The following FOXJ3 variants were observed in gnomAD, a reference collection of about 807,000 sequenced individuals.
FOXJ3 encodes forkhead box protein J3.
FOXJ3 carries 22 observed loss-of-function variants against 76.1 expected under a neutral mutation model. The ratio of observed to expected loss-of-function variants is 0.29; its 90% CI spans 0.21 to 0.41. The LOEUF (loss-of-function observed/expected upper bound fraction) is 0.41. Among genes scored for constraint, FOXJ3 ranks in the 10% least tolerant of loss-of-function variants. The pLI, the probability that FOXJ3 is intolerant of heterozygous loss-of-function variation, is 1.00. For synonymous variants in FOXJ3, 269 were observed against 261.2 expected (o/e 1.03, Z -0.29); for missense variants, 613 against 762.1 (o/e 0.80, Z 2.30).
rs971093111 is a variant in FOXJ3, at chr1:42,291,310, A to G, written c.45-12638T>C. On this transcript the variant is annotated intron_variant, in intron 2 of 12. Transcript: ENST00000361346. ...ATCTATAAAACCTGCAGGAGAAATC[A>G]TAAGAGAAAATCTGGTTAGGCAAAT... is the stretch of plus-strand genomic sequence containing the variant. 3.3e-5 allele frequency among the ~76,000 whole-genome samples: 5 copies of G among 152,354 alleles called. No individual in the cohort carries two copies. In the South Asian group the frequency reaches 1.0e-3, roughly 32 times the overall value.
upstream of FOXJ3, chr1:42,335,242 C>T (rs115746499): frequency 0.039 from 5,923 of 152,216 alleles, 147 homozygotes; most frequent in South Asian, 0.092. Flanking sequence ...TACTTCCCGA[C>T]CCGCATCCCC....
intron 2 of FOXJ3, among the ~76,000 whole-genome samples, chr1:42,295,909 A>AT (rs779192609): frequency 1.3e-5 from 2 of 152,146 alleles, no homozygotes; most frequent in Non-Finnish European, 2.9e-5. Flanking sequence ...AGGTAGTTCT[A>AT]TTTTTAGTTC....
intron 4 of FOXJ3, among the ~76,000 whole-genome samples, chr1:42,250,169 G>C (rs900832792): frequency 2.6e-5 from 4 of 152,196 alleles, no homozygotes; most frequent in Admixed American, 1.3e-4. Context: ...CTAGTGGAAA[G>C]TGACATAGTA....
intron 4 of FOXJ3, among the ~76,000 whole-genome samples, chr1:42,251,706 A>G (rs1190560427): frequency 2.3e-5 from 2 of 87,566 alleles, no homozygotes; most frequent in Non-Finnish European, 2.1e-5. Context: ...GTTTGCCAGT[A>G]TTTTTTTTTT....
chr1:42,237,455 T>TACA (rs1648771161), intron 4 of FOXJ3, among the ~76,000 whole-genome samples: 2 of 146,162 alleles, frequency 1.4e-5, no homozygotes, highest in Admixed American at 6.8e-5. Context: ...TATATACACA[T>TACA]ACATACATAT....
chr1:42,222,195 G>A (rs1647238224), intron 5 of FOXJ3, among the ~76,000 whole-genome samples: 2 of 151,496 alleles, frequency 1.3e-5, no homozygotes, highest in African/African-American at 4.9e-5. Flanking sequence ...CGCTTTGAGG[G>A]CATTCCTTTT....
At chr1:42,318,640 C>G (rs1272461434) in intron 1 of FOXJ3, among the ~76,000 whole-genome samples, 1 of 152,150 alleles carries the variant, frequency 6.6e-6, no homozygotes. Flanking sequence ...CCACTGCACT[C>G]AGCCGGGAAA....
rs575279073 is a variant in FOXJ3, at chr1:42,231,214, T to A, written c.445-3248A>T. The stretch of plus-strand genomic sequence containing the variant: ...GATGGCAGGTGCCTGTAGTCCCAGC[T>A]ACTCGGGAGGCTGAGGCAGGAGAAT... On this transcript the variant is annotated intron_variant, in intron 4 of 12. Transcript: ENST00000361346. Among the ~76,000 whole-genome samples the A allele has an allele frequency of 2.0e-3, 305 of 151,294 alleles. 1 individual carries two copies. Among genetic ancestry groups the A allele is most frequent in the Admixed American group, 9.1e-3 (139 of 15,220 alleles).
At chr1:42,206,057 T>C (rs1646855278) in intron 5 of FOXJ3, 194 bp from the exon 6 acceptor site, 1 of 523,878 alleles carries the variant, frequency 1.9e-6, no homozygotes, top group Non-Finnish European at 3.4e-6. Context: ...AGTCCTTTGG[T>C]ATGGCTACTC....
In FOXJ3 at chr1:42,189,206, A is replaced by C. The variant is rs910319999; in HGVS notation, c.1453+97T>G. 5 of 846,058 alleles carry C rather than the reference A, an allele frequency of 5.9e-6. No homozygotes were observed. The Admixed American group carries it at 7.3e-5, about 12-fold the overall frequency. The allele number at this position is 846,058 out of a possible 1,614,324, so 52.4% of individuals were successfully genotyped here. A position where few individuals can be genotyped will look rare whatever the true frequency, so the allele number is the denominator to read the frequency against. On this transcript the variant is annotated intron_variant, in intron 10 of 12. Transcript: ENST00000361346. ...ACCAACTGCAAAAGAAATGCTATAT[A>C]AGATGATGTTTATTTCTACTACAAA...
At position 42,286,402 on chromosome 1, in the gene FOXJ3, T is replaced by C. The variant is rs2124694081; in HGVS notation, c.45-7730A>G. ...TGGAGCAAGACTGCCTGGATTGGAA[T>C]CCAAGTTCTTCCCTTCAGCTATGTG... On this transcript the variant is annotated intron_variant, in intron 2 of 12. Transcript: ENST00000361346. 1.3e-5 allele frequency among the ~76,000 whole-genome samples: 2 copies of C among 152,328 alleles called. 1 individual carries two copies. The highest frequency in any genetic ancestry group is 4.1e-4 in the South Asian group (2 of 4,830).
intron 3 of FOXJ3, among the ~76,000 whole-genome samples, chr1:42,267,527 A>G (rs1651556997): frequency 6.6e-6 from 1 of 152,140 alleles, no homozygotes; most frequent in South Asian, 2.1e-4. Flanking sequence ...ATTTAACTCA[A>G]CGTCTACCAT....
intron 4 of FOXJ3, among the ~76,000 whole-genome samples, chr1:42,250,587 T>G (rs935437684): frequency 3.3e-5 from 5 of 151,842 alleles, no homozygotes; most frequent in Non-Finnish European, 5.9e-5. Flanking sequence ...GAGGCTGAGG[T>G]GGGCAGATCA....
At chr1:42,325,644 T>C (rs72962239) in intron 1 of FOXJ3, among the ~76,000 whole-genome samples, 41 of 152,330 alleles carry the variant, frequency 2.7e-4, no homozygotes, top group Non-Finnish European at 4.0e-4. Flanking sequence ...TTATTAGAAA[T>C]CTGCCAAGGA....
At chr1:42,182,381 CAG>C (rs548187428) in intron 11 of FOXJ3, among the ~76,000 whole-genome samples, 39 of 152,226 alleles carry the variant, frequency 2.6e-4, no homozygotes, top group Non-Finnish European at 4.9e-4. Context: ...GAGGGTAAGA[CAG>C]GGATTGTTAC....
Position 42,295,498 on chromosome 1 carries a change from GTTGAACATGA to G in FOXJ3, c.44+15542_44+15551del, listed in dbSNP as rs542032597. On this transcript the variant is annotated intron_variant, in intron 2 of 12. Transcript: ENST00000361346. ...CCATGACTTTGCTGTTATGAATAGT[GTTGAACATGA>G]CTACAAGTGTCTTTTTTTTTTTTTT... is the stretch of plus-strand genomic sequence containing the variant. Among the ~76,000 whole-genome samples, 590 of 139,698 alleles carry G rather than the reference GTTGAACATGA, an allele frequency of 4.2e-3. 6 individuals are homozygous for G. Among genetic ancestry groups the G allele is most frequent in the Admixed American group, 9.1e-3 (127 of 14,006 alleles). The allele number at this position is 139,698 out of a possible 152,430, so 91.6% of individuals were successfully genotyped here.
intron 4 of FOXJ3, among the ~76,000 whole-genome samples, chr1:42,248,730 C>CTTTTTTT (rs4019587): frequency 3.3e-5 from 3 of 92,194 alleles, no homozygotes; most frequent in African/African-American, 8.1e-5. Context: ...CCTGTTTTTT[C>CTTTTTTT]TTTTTTTTTT....
intron 4 of FOXJ3, among the ~76,000 whole-genome samples, chr1:42,243,607 A>G (rs766744960): frequency 5.9e-5 from 9 of 152,344 alleles, no homozygotes; most frequent in South Asian, 2.1e-4. Context: ...AGTAACCAAG[A>G]TAAGTAGAGA....
chr1:42,291,025 TATAGATAGATAGATAGATAG>T (rs80123722), intron 2 of FOXJ3, among the ~76,000 whole-genome samples: 57 of 134,324 alleles, frequency 4.2e-4, no homozygotes, highest in East Asian at 4.0e-3. Flanking sequence ...AAAAGACCCA[TATAGATAGATAGATAGATAG>T]ATAGATAGAT....
Sources: gnomAD v4.1 joint callset for allele counts (sites outside exome capture counted in the v4.1 genomes callset) on GRCh38, gnomAD v4.1.1 for gene constraint, MANE v1.5 for transcripts, NCBI Gene and HGNC (gene_info 2026-07-23, HGNC 2026-07-21) for gene names.